ARHGAP44: variants seen among roughly 807,000 people sequenced by gnomAD.
ARHGAP44 encodes the protein Rho GTPase activating protein 44.
In ARHGAP44, 43 loss-of-function variants were observed where a neutral mutation model predicts 106.8. That is an observed-to-expected ratio of 0.40 (90% CI 0.32 to 0.52). The LOEUF is 0.52. Ranked by LOEUF, ARHGAP44 falls within the 20% of genes least tolerant of loss-of-function variation. The pLI is 0.48. For synonymous variants in ARHGAP44, 439 were observed against 410.3 expected, an observed-to-expected ratio of 1.07 and a Z score of -0.85; for missense variants, 866 against 1,050.5, an observed-to-expected ratio of 0.82 and a Z score of 2.43.
Position 12,974,195 on chromosome 17 carries a change from G to A in ARHGAP44, c.1648G>A (p.Ala550Thr), listed in dbSNP as rs1041143202. The A allele has an allele frequency of 6.5e-7, 1 of 1,548,724 alleles. No homozygotes were observed. ...PPSMQPPAPP[A>T]ELAAPLPSPL... is the part of the protein sequence containing the mutation. Reference sequence around the variant, plus strand: ...CTCCATGCAGCCTCCCGCCCCGCCCGCCGAGCTGGCTGCGCCCCTGCCTTC... The same window carrying A: ...CTCCATGCAGCCTCCCGCCCCGCCCACCGAGCTGGCTGCGCCCCTGCCTTC... The change falls in exon 18 of 21, where the codon GCC becomes ACC. Residue 550 changes from alanine to threonine, a missense_variant. Ala to Thr is a moderately conservative substitution (Grantham distance 58). This residue lies in a region of ARHGAP44 where 418 missense variants were observed against 403.6 expected (regional missense o/e 1.04). Transcript: ENST00000379672.
Position 12,797,225 on chromosome 17 carries a change from A to G in ARHGAP44, c.53+7334A>G, listed in dbSNP as rs565572919. 6.0e-4 allele frequency among the ~76,000 whole-genome samples: 92 copies of G among 152,266 alleles called. 1 individual carries two copies. In the South Asian group the frequency reaches 0.019, roughly 31 times the overall value. On this transcript the variant is annotated intron_variant, in intron 1 of 20. Transcript: ENST00000379672. ...GATACTTTGCCCAGATGCAGATTAT[A>G]TAAATATGCATGCATTTTTATTACT... is the stretch of plus-strand genomic sequence containing the variant.
At chr17:12,812,229 A>G (rs1190304353) in intron 1 of ARHGAP44, among the ~76,000 whole-genome samples, 2 of 152,234 alleles carry the variant, frequency 1.3e-5, no homozygotes, top group African/African-American at 4.8e-5. Context: ...GTTTTTACTT[A>G]TGCCCTAAGA....
intron 1 of ARHGAP44, among the ~76,000 whole-genome samples, chr17:12,823,709 C>CA (rs1346283645): frequency 6.6e-6 from 1 of 152,218 alleles, no homozygotes; most frequent in Non-Finnish European, 1.5e-5. Context: ...TCCATCTCAA[C>CA]AGCAGAAGAT....
rs375812578 is a variant in ARHGAP44 at position 12,990,110 on chromosome 17, G to C, written c.2396G>C (p.Arg799Pro). 6 of 1,613,336 alleles carry C rather than the reference G, an allele frequency of 3.7e-6. No homozygotes were observed. Among genetic ancestry groups the C allele is most frequent in the Admixed American group, 3.3e-5 (2 of 60,008 alleles). Residue 799 changes from arginine (R) to proline (P), a missense_variant, in exon 21 of 21, where the codon CGG (arginine) becomes CCG (proline). Physicochemically the swap from Arg to Pro is moderately radical, Grantham distance 103. Coordinates refer to ENST00000379672, the MANE Select transcript of ARHGAP44 (RefSeq NM_014859.6). ...CGCCTGAGTCCCCTGGAGCACATGC[G>C]GCGACACTCAGTAACTGACAAGAGG... ...TLRLSPLEHM[R>P]RHSVTDKRDS...
At chr17:12,940,957 A>G (rs2038690507) in intron 7 of ARHGAP44, 99 bp from the exon 8 acceptor site, 2 of 933,646 alleles carry the variant, frequency 2.1e-6, no homozygotes, top group Admixed American at 2.3e-5. Flanking sequence ...GAGATTAAGC[A>G]GTGTTTAAGG....
chr17:12,912,953 G>A (rs1164324685), intron 4 of ARHGAP44, among the ~76,000 whole-genome samples: 1 of 152,064 alleles, frequency 6.6e-6, no homozygotes. Flanking sequence ...CCAAAAGAAA[G>A]GTAGACTCAA....
chr17:12,978,056 A>AAAAAAAAAAAAAAAAAAGG (rs71144940), intron 18 of ARHGAP44, among the ~76,000 whole-genome samples: 1 of 149,108 alleles, frequency 6.7e-6, no homozygotes, highest in African/African-American at 2.5e-5. Context: ...AAAAAAAAAA[A>AAAAAAAAAAAAAAAAAAGG]GTGTGTTTCG....
intron 1 of ARHGAP44, among the ~76,000 whole-genome samples, chr17:12,793,199 A>T (rs1369980175): frequency 9.2e-5 from 14 of 152,266 alleles, no homozygotes; most frequent in Non-Finnish European, 1.5e-5. Context: ...CAGTGATAAC[A>T]TAGATAACCT....
intron 1 of ARHGAP44, among the ~76,000 whole-genome samples, chr17:12,848,775 C>T (rs79425816): frequency 0.011 from 1,661 of 152,172 alleles, 37 homozygotes; most frequent in East Asian, 0.071. Flanking sequence ...AGGCTGGGCA[C>T]GGTGGCTCAT....
chr17:12,810,710 C>A (rs1453022554), intron 1 of ARHGAP44, among the ~76,000 whole-genome samples: 1 of 152,120 alleles, frequency 6.6e-6, no homozygotes, highest in Non-Finnish European at 1.5e-5. Flanking sequence ...ACCTGCAATT[C>A]CACGAGGAAT....
chr17:12,959,275 C>T (rs995739103), intron 16 of ARHGAP44, among the ~76,000 whole-genome samples: 1 of 152,270 alleles, frequency 6.6e-6, no homozygotes, highest in Admixed American at 6.5e-5. Flanking sequence ...TGAATGGGCT[C>T]ATTGCATTCT....
chr17:12,947,428 A>T (rs529024396), intron 10 of ARHGAP44, among the ~76,000 whole-genome samples: 1 of 152,154 alleles, frequency 6.6e-6, no homozygotes, highest in South Asian at 2.1e-4. Flanking sequence ...CCTCTGACCT[A>T]GGGGCATCAG....
At chr17:12,887,830 GATCT>G (rs2036925343) in intron 1 of ARHGAP44, among the ~76,000 whole-genome samples, 1 of 150,046 alleles carries the variant, frequency 6.7e-6, no homozygotes, top group South Asian at 2.1e-4. Context: ...ATATTCAAAT[GATCT>G]ATTTCATATT....
intron 5 of ARHGAP44, among the ~76,000 whole-genome samples, chr17:12,916,688 G>A (rs2037927116): frequency 6.6e-6 from 1 of 152,182 alleles, no homozygotes; most frequent in African/African-American, 2.4e-5. Flanking sequence ...CCCAGCTGCA[G>A]TGTATGTTTA....
At chr17:12,913,960 T>G (rs531662787) in intron 4 of ARHGAP44, among the ~76,000 whole-genome samples, 9 of 112,614 alleles carry the variant, frequency 8.0e-5, no homozygotes, top group African/African-American at 3.1e-4. Context: ...TAGAGTGAGA[T>G]TTTGTCTCAA....
chr17:12,947,386 G>C (rs767717222), intron 10 of ARHGAP44, among the ~76,000 whole-genome samples: 6 of 152,006 alleles, frequency 3.9e-5, no homozygotes, highest in Non-Finnish European at 5.9e-5. Flanking sequence ...GGGGCATCAG[G>C]GTTCTCTGTT....
At chr17:12,802,363 G>C (rs1357320678) in intron 1 of ARHGAP44, among the ~76,000 whole-genome samples, 4 of 152,202 alleles carry the variant, frequency 2.6e-5, no homozygotes, top group Admixed American at 6.5e-5. Context: ...ACCACAGAGT[G>C]TCCCTGCTGC....
chr17:12,989,358 T>C (rs1313378450), intron 20 of ARHGAP44, among the ~76,000 whole-genome samples: 1 of 152,162 alleles, frequency 6.6e-6, no homozygotes, highest in African/African-American at 2.4e-5. Flanking sequence ...CTTTGCCGAC[T>C]CAGAGACGTC....
intron 1 of ARHGAP44, among the ~76,000 whole-genome samples, chr17:12,887,379 C>T (rs2036913194): frequency 2.6e-5 from 4 of 152,038 alleles, no homozygotes; most frequent in Admixed American, 2.6e-4. Context: ...CAGGCATGTA[C>T]TACCATGCCT....
Sources: allele counts gnomAD v4.1 joint callset (sites outside exome capture counted in the v4.1 genomes callset), GRCh38; gene constraint gnomAD v4.1.1; regional missense constraint gnomAD v4.1.1; transcripts MANE v1.5; gene names NCBI Gene and HGNC (gene_info 2026-07-23, HGNC 2026-07-21).